Variants in LRRC4C observed in about 807,000 individuals in gnomAD.
LRRC4C encodes the protein leucine rich repeat containing 4C, also known as leucine-rich repeat-containing protein 4C.
Under a neutral mutation model 33.6 loss-of-function variants are expected in LRRC4C, and 5 were observed. That is an observed-to-expected ratio of 0.15 (90% CI 0.08 to 0.31). LRRC4C has a LOEUF of 0.31. LRRC4C is among the 10% of genes least tolerant of loss of function. LRRC4C has a pLI of 1.00. For missense variants in LRRC4C, 560 were observed against 796.7 expected (o/e 0.70, Z 3.58); for synonymous variants, 329 against 302.0 (o/e 1.09, Z -0.93).
chr11:41,095,438 T>A (rs991681679), intron 1 of LRRC4C, among the ~76,000 whole-genome samples: 1 of 152,164 alleles, frequency 6.6e-6, no homozygotes, highest in Non-Finnish European at 1.5e-5. Context: ...TTATAAAGGA[T>A]AATTTCATAG....
intron 2 of LRRC4C, among the ~76,000 whole-genome samples, chr11:40,771,982 T>C (rs1565041836): frequency 6.6e-6 from 1 of 152,182 alleles, no homozygotes; most frequent in Non-Finnish European, 1.5e-5. Flanking sequence ...TCCATCCTCT[T>C]ACTGTTACCT....
chr11:40,813,705 G>C (rs1951587430), intron 2 of LRRC4C, among the ~76,000 whole-genome samples: 1 of 151,944 alleles, frequency 6.6e-6, no homozygotes. Context: ...AAAATCAAAA[G>C]CACGATAGTT....
chr11:41,356,932 G>A lies in LRRC4C; in HGVS notation c.-496+102499C>T, dbSNP rs115172281. On this transcript the variant is annotated intron_variant, in intron 1 of 6. Coordinates refer to ENST00000528697, the MANE Select transcript of LRRC4C (RefSeq NM_001258419.2). ...ACGTTTCCCTCAAATATGTTCTGCT[G>A]AAAAGGAGTTCTACAAGAGTGATTC... is the stretch of plus-strand genomic sequence containing the variant. Among the ~76,000 whole-genome samples the A allele has an allele frequency of 8.5e-3, 1,296 of 152,224 alleles. 17 individuals carry two copies. The highest frequency in any genetic ancestry group is 0.03 in the African/African-American group (1,230 of 41,532).
At chr11:40,448,783 C>T (rs560301169) in intron 3 of LRRC4C, among the ~76,000 whole-genome samples, 1 of 152,316 alleles carries the variant, frequency 6.6e-6, no homozygotes, top group Admixed American at 6.5e-5. Context: ...ATTGCTGGAT[C>T]AAATGGTATT....
At chr11:40,844,928 C>A (rs1223334045) in intron 2 of LRRC4C, among the ~76,000 whole-genome samples, 1 of 152,054 alleles carries the variant, frequency 6.6e-6, no homozygotes, top group African/African-American at 2.4e-5. Context: ...ACAATGTACA[C>A]ATACTTTCTT....
intron 1 of LRRC4C, among the ~76,000 whole-genome samples, chr11:41,017,372 T>G (rs533007256): frequency 6.6e-6 from 1 of 152,316 alleles, no homozygotes; most frequent in African/African-American, 2.4e-5. Flanking sequence ...CACTTTTACC[T>G]AAGGCAAAGC....
At chr11:40,997,190 AAG>A (rs1697829590) in intron 1 of LRRC4C, among the ~76,000 whole-genome samples, 1 of 152,156 alleles carries the variant, frequency 6.6e-6, no homozygotes, top group South Asian at 2.1e-4. Flanking sequence ...ATCAATAAAT[AAG>A]AGAGTATATA....
chr11:40,660,346 G>C (rs1435200879), intron 2 of LRRC4C, among the ~76,000 whole-genome samples: 1 of 152,204 alleles, frequency 6.6e-6, no homozygotes, highest in Non-Finnish European at 1.5e-5. Flanking sequence ...GCTGGGCCAA[G>C]TGGGCAGAAT....
intron 2 of LRRC4C, among the ~76,000 whole-genome samples, chr11:40,752,995 T>C (rs1188562325): frequency 6.6e-6 from 1 of 152,150 alleles, no homozygotes; most frequent in African/African-American, 2.4e-5. Context: ...TGGAGGTCAT[T>C]ATGCTAAGTC....
At chr11:40,317,359 G>C (rs1253195465) in intron 4 of LRRC4C, among the ~76,000 whole-genome samples, 1 of 151,876 alleles carries the variant, frequency 6.6e-6, no homozygotes, top group Non-Finnish European at 1.5e-5. Context: ...TCTAGGGTTA[G>C]GTGTCCCTTT....
chr11:40,699,699 C>T (rs528308520), intron 2 of LRRC4C, among the ~76,000 whole-genome samples: 1 of 152,260 alleles, frequency 6.6e-6, no homozygotes, highest in African/African-American at 2.4e-5. Context: ...CACACACACA[C>T]ATATAATTTC....
At chr11:40,624,042 A>AT (rs1333720743) in intron 3 of LRRC4C, among the ~76,000 whole-genome samples, 1 of 152,116 alleles carries the variant, frequency 6.6e-6, no homozygotes, top group African/African-American at 2.4e-5. Flanking sequence ...GTTTTTCTGC[A>AT]TTTCAGTGTA....
chr11:40,592,449 G>A (rs1240882732), intron 3 of LRRC4C, among the ~76,000 whole-genome samples: 1 of 152,128 alleles, frequency 6.6e-6, no homozygotes, highest in Admixed American at 6.5e-5. Context: ...ATGATCAATT[G>A]CTATTAATCC....
chr11:40,156,109 C>A (rs1315908517), intron 5 of LRRC4C, among the ~76,000 whole-genome samples: 1 of 152,086 alleles, frequency 6.6e-6, no homozygotes, highest in Non-Finnish European at 1.5e-5. Flanking sequence ...ATCACATGAT[C>A]ATCTCAATAC....
intron 2 of LRRC4C, among the ~76,000 whole-genome samples, chr11:40,784,246 C>A (rs1290727344): frequency 2.0e-5 from 3 of 152,108 alleles, no homozygotes; most frequent in Admixed American, 1.3e-4. Flanking sequence ...ATCCTCTGAG[C>A]AATTGGCAAG....
At chr11:41,103,027 A>G (rs1215483288) in intron 1 of LRRC4C, among the ~76,000 whole-genome samples, 1 of 151,954 alleles carries the variant, frequency 6.6e-6, no homozygotes, top group Non-Finnish European at 1.5e-5. Context: ...AAAAGAAGAT[A>G]TACTATTCTA....
At chr11:40,611,946 T>C (rs547143393) in intron 3 of LRRC4C, among the ~76,000 whole-genome samples, 7 of 151,958 alleles carry the variant, frequency 4.6e-5, no homozygotes, top group African/African-American at 1.7e-4. Context: ...GTAAAAATAG[T>C]GCAGCCACTA....
At chr11:40,428,312 T>G (rs2137819160) in intron 3 of LRRC4C, among the ~76,000 whole-genome samples, 1 of 152,304 alleles carries the variant, frequency 6.6e-6, no homozygotes, top group African/African-American at 2.4e-5. Context: ...GGCTTAGAAT[T>G]CCAAAAGGAT....
intron 3 of LRRC4C, among the ~76,000 whole-genome samples, chr11:40,604,753 AG>A (rs1421760380): frequency 6.6e-6 from 1 of 152,166 alleles, no homozygotes. Context: ...AATATGCTAA[AG>A]ATGAGATAAA....
Sources: gnomAD v4.1 joint callset for allele counts (sites outside exome capture counted in the v4.1 genomes callset) on GRCh38, gnomAD v4.1.1 for gene constraint, MANE v1.5 for transcripts, NCBI Gene and HGNC (gene_info 2026-07-23, HGNC 2026-07-21) for gene names.